The following ADAMTS6 variants were observed in gnomAD, a reference collection of about 807,000 sequenced individuals.
ADAMTS6 encodes ADAM metallopeptidase with thrombospondin type 1 motif 6, also known as A disintegrin and metalloproteinase with thrombospondin motifs 6.
A neutral mutation model predicts 144.3 loss-of-function variants in ADAMTS6; 23 were observed. The observed-to-expected ratio is 0.16, with a 90% CI of 0.11 to 0.23. The LOEUF (loss-of-function observed/expected upper bound fraction) is 0.23. Among genes scored for constraint, ADAMTS6 ranks in the 10% least tolerant of loss-of-function variants. ADAMTS6 has a pLI of 1.00. For missense variants in ADAMTS6, 999 were observed against 1,379.6 expected (o/e 0.72, Z 4.37); for synonymous variants, 444 against 457.5 (o/e 0.97, Z 0.38).
chr5:65,473,742 C>G lies in ADAMTS6; in HGVS notation c.-69G>C. On this transcript the variant is annotated 5_prime_UTR_variant, in exon 2 of 25. Coordinates refer to ENST00000381055, the MANE Select transcript of ADAMTS6 (RefSeq NM_197941.4). ...TAAAGAGTCAATACCATACCAAAAT[C>G]GAAGCATAACAATTTTATTTCTTTA... The G allele has an allele frequency of 1.8e-6, 2 of 1,141,714 alleles. No homozygotes were observed. Among genetic ancestry groups the G allele is most frequent in the Non-Finnish European group, 2.6e-6 (2 of 769,288 alleles). 70.7% of individuals were successfully genotyped at this position (1,141,714 alleles called of 1,614,324 possible).
chr5:65,221,923 A>G (rs372447270), intron 18 of ADAMTS6, among the ~76,000 whole-genome samples: 126 of 152,288 alleles, frequency 8.3e-4, no homozygotes, highest in African/African-American at 2.9e-3. Context: ...ATTTAACAGA[A>G]CATGTGTGCA....
At position 65,481,590 on chromosome 5, in the gene ADAMTS6, C is replaced by T. The variant is rs1177619976; in HGVS notation, c.-527G>A. The T allele has an allele frequency of 6.6e-6, 1 of 151,986 alleles. No homozygotes were observed. The highest frequency in any genetic ancestry group is 2.4e-5 in the African/African-American group (1 of 41,330). The allele number at this position is 151,986 out of a possible 1,614,324, so 9.4% of individuals were successfully genotyped here. On this transcript the variant is annotated 5_prime_UTR_variant, in exon 1 of 25. Coordinates refer to ENST00000381055, the MANE Select transcript of ADAMTS6 (RefSeq NM_197941.4). ...AGAATAAGAGATGCCTTCAATACATCTAGGCTATCACTCTGAGATGCTGCC... is the reference window on the plus strand; with the variant it reads ...AGAATAAGAGATGCCTTCAATACATTTAGGCTATCACTCTGAGATGCTGCC...
rs528693849 is a variant in ADAMTS6, at chr5:65,151,149, G to C, written c.*687C>G. 2.0e-5 allele frequency: 3 copies of C among 152,618 alleles called. No individual in the cohort carries two copies. The highest frequency in any genetic ancestry group is 4.4e-5 in the Non-Finnish European group (3 of 68,044). The allele number at this position is 152,618 out of a possible 1,614,324, so 9.5% of individuals were successfully genotyped here. ...GCACAGCTGCAGTAACTGATGCACT[G>C]CTTTAAACTATGCCCCTCATTATTG... On this transcript the variant is annotated 3_prime_UTR_variant, in exon 25 of 25. Coordinates refer to ENST00000381055, the MANE Select transcript of ADAMTS6 (RefSeq NM_197941.4).
At position 65,365,518 on chromosome 5, in the gene ADAMTS6, A is replaced by G. The variant is rs537570892; in HGVS notation, c.1074-31433T>C. ...AAAAATTAGCCAGTCATGGTGGCAC[A>G]TGCCTGTAATCTCAGTTACTTGGGA... On this transcript the variant is annotated intron_variant, in intron 7 of 24. Transcript: ENST00000381055. Among the ~76,000 whole-genome samples the G allele has an allele frequency of 1.2e-3, 184 of 152,088 alleles. 2 individuals are homozygous for G. The highest frequency in any genetic ancestry group is 4.3e-3 in the African/African-American group (179 of 41,518).
In ADAMTS6 at chr5:65,350,372, ATTTTTTTCTT is replaced by A. The variant is rs544072357; in HGVS notation, c.1074-16297_1074-16288del. 6.6e-5 allele frequency among the ~76,000 whole-genome samples: 10 copies of A among 151,994 alleles called. No individual in the cohort carries two copies. The South Asian group carries it at 1.2e-3, about 19-fold the overall frequency. On this transcript the variant is annotated intron_variant, in intron 7 of 24. Transcript: ENST00000381055. ...TGGAACAATAATCCCTGCTACTTTA[ATTTTTTTCTT>A]TTAGGTTTCTTTTTCAACCCTTTAA... is the stretch of plus-strand genomic sequence containing the variant.
intron 11 of ADAMTS6, among the ~76,000 whole-genome samples, chr5:65,275,783 C>G (rs1206546831): frequency 6.6e-6 from 1 of 151,768 alleles, no homozygotes; most frequent in Non-Finnish European, 1.5e-5. Context: ...GTAAGAGTAA[C>G]ATTTAAGGGC....
intron 7 of ADAMTS6, among the ~76,000 whole-genome samples, chr5:65,378,296 C>A (rs901065653): frequency 6.6e-6 from 1 of 152,128 alleles, no homozygotes; most frequent in African/African-American, 2.4e-5. Context: ...TTCTCCCATA[C>A]CTCTTGGAAT....
At chr5:65,275,967 T>A (rs1033853698) in intron 11 of ADAMTS6, among the ~76,000 whole-genome samples, 2 of 152,134 alleles carry the variant, frequency 1.3e-5, no homozygotes, top group Admixed American at 1.3e-4. Flanking sequence ...ATTCTTACTT[T>A]AGACAAAGGT....
intron 7 of ADAMTS6, among the ~76,000 whole-genome samples, chr5:65,371,808 G>A (rs10061645): frequency 0.026 from 4,014 of 152,110 alleles, 156 homozygotes; most frequent in African/African-American, 0.092. Flanking sequence ...CAACTCCCAA[G>A]ACACATAATT....
chr5:65,282,739 G>C (rs1763080847), intron 11 of ADAMTS6, among the ~76,000 whole-genome samples: 1 of 151,966 alleles, frequency 6.6e-6, no homozygotes, highest in African/African-American at 2.4e-5. Context: ...CTGTTTTAAT[G>C]ATAATGTTGG....
intron 11 of ADAMTS6, among the ~76,000 whole-genome samples, chr5:65,278,561 G>A (rs1291024366): frequency 6.6e-6 from 1 of 152,084 alleles, no homozygotes; most frequent in Non-Finnish European, 1.5e-5. Flanking sequence ...GTTTTAATTT[G>A]CATTTCCCTG....
At chr5:65,381,766 C>G (rs558021674) in intron 7 of ADAMTS6, among the ~76,000 whole-genome samples, 28 of 151,832 alleles carry the variant, frequency 1.8e-4, no homozygotes, top group African/African-American at 5.8e-4. Context: ...TATAGAGATT[C>G]TTCATAGAGT....
At chr5:65,373,504 C>T (rs1751188686) in intron 7 of ADAMTS6, among the ~76,000 whole-genome samples, 1 of 150,954 alleles carries the variant, frequency 6.6e-6, no homozygotes, top group Admixed American at 6.6e-5. Flanking sequence ...ACTAGAAAAT[C>T]TAGAAGAAAT....
Position 65,338,350 on chromosome 5 carries a change from C to T in ADAMTS6, c.1074-4265G>A, listed in dbSNP as rs78872660. 1.7e-3 allele frequency among the ~76,000 whole-genome samples: 265 copies of T among 152,224 alleles called. 8 individuals carry two copies. The East Asian group carries it at 0.046, about 27-fold the overall frequency. ...TTCTTTTACCCTAAATTCATAATGACGTTGGACAATTGAGCAAGATCAAAA... is the reference window on the plus strand; with the variant it reads ...TTCTTTTACCCTAAATTCATAATGATGTTGGACAATTGAGCAAGATCAAAA... On this transcript the variant is annotated intron_variant, in intron 7 of 24. Coordinates refer to ENST00000381055, the MANE Select transcript of ADAMTS6 (RefSeq NM_197941.4).
At chr5:65,371,001 C>G (rs1278660075) in intron 7 of ADAMTS6, among the ~76,000 whole-genome samples, 1 of 152,160 alleles carries the variant, frequency 6.6e-6, no homozygotes, top group African/African-American at 2.4e-5. Flanking sequence ...GAGGCACCCC[C>G]CAGCAGGGGC....
rs1580734644 is a variant in ADAMTS6 at position 65,449,617 on chromosome 5, T to A, written c.1073+1858A>T. On this transcript the variant is annotated intron_variant, in intron 7 of 24. Transcript: ENST00000381055. ...GCCTGGGCGACAGAGCAGGACTCCA[T>A]CTCAAAAATAAATAAATAAATAAAA... 2.0e-5 allele frequency among the ~76,000 whole-genome samples: 3 copies of A among 151,694 alleles called. No individual in the cohort carries two copies. In the East Asian group the frequency reaches 5.8e-4, roughly 29 times the overall value.
intron 7 of ADAMTS6, among the ~76,000 whole-genome samples, chr5:65,339,766 T>C (rs879389244): frequency 5.3e-5 from 8 of 150,794 alleles, no homozygotes; most frequent in African/African-American, 1.5e-4. Context: ...AGAAAGAACT[T>C]CCAAACAGAA....
At chr5:65,302,578 G>A (rs915042589) in intron 9 of ADAMTS6, among the ~76,000 whole-genome samples, 1 of 151,878 alleles carries the variant, frequency 6.6e-6, no homozygotes, top group African/African-American at 2.4e-5. Flanking sequence ...CCTCAACACA[G>A]TGGAGTAAGT....
At chr5:65,159,296 C>T (rs1404733349) in intron 24 of ADAMTS6, among the ~76,000 whole-genome samples, 1 of 152,172 alleles carries the variant, frequency 6.6e-6, no homozygotes, top group African/African-American at 2.4e-5. Context: ...CGTTACCCTT[C>T]TGTCATCCTG....
Sources: allele counts gnomAD v4.1 joint callset (sites outside exome capture counted in the v4.1 genomes callset), GRCh38; gene constraint gnomAD v4.1.1; transcripts MANE v1.5; gene names NCBI Gene and HGNC (gene_info 2026-07-23, HGNC 2026-07-21).